The following FGF10 variants were observed in gnomAD, a reference collection of about 807,000 sequenced individuals.
The protein encoded by FGF10 is FGF-10.
A neutral mutation model predicts 19.8 loss-of-function variants in FGF10; 2 were observed. The ratio of observed to expected loss-of-function variants is 0.10; its 90% CI spans 0.04 to 0.32. The LOEUF (loss-of-function observed/expected upper bound fraction) is 0.32, where lower values mean the gene tolerates loss of function less well. Among genes scored for constraint, FGF10 ranks in the 10% least tolerant of loss-of-function variants. The pLI is 1.00. For missense variants in FGF10, 191 were observed against 246.3 expected (o/e 0.78, Z 1.50); for synonymous variants, 112 against 94.0 (o/e 1.19, Z -1.10).
intron 1 of FGF10, among the ~76,000 whole-genome samples, chr5:44,320,846 C>T (rs1334993014): frequency 6.6e-6 from 1 of 151,966 alleles, no homozygotes; most frequent in Non-Finnish European, 1.5e-5. Context: ...TCCCTAGTAG[C>T]TGGAACCACA....
chr5:44,326,746 A>G (rs940360323), intron 1 of FGF10, among the ~76,000 whole-genome samples: 3 of 152,050 alleles, frequency 2.0e-5, no homozygotes, highest in Admixed American at 1.3e-4. Context: ...CTCTTACCTG[A>G]TGCTGTACTA....
intron 1 of FGF10, among the ~76,000 whole-genome samples, chr5:44,362,949 G>A (rs1394938084): frequency 6.6e-6 from 1 of 151,708 alleles, no homozygotes; most frequent in African/African-American, 2.4e-5. Context: ...GTGGGAGACA[G>A]CAATTATTAA....
intron 1 of FGF10, among the ~76,000 whole-genome samples, chr5:44,351,719 T>A (rs1741237446): frequency 1.3e-5 from 2 of 151,634 alleles, no homozygotes; most frequent in Admixed American, 1.3e-4. Flanking sequence ...TTTACTACCA[T>A]TATTAGTTTG....
At chr5:44,381,335 A>G (rs901022592) in intron 1 of FGF10, among the ~76,000 whole-genome samples, 2 of 152,348 alleles carry the variant, frequency 1.3e-5, no homozygotes, top group African/African-American at 4.8e-5. Context: ...CAAAACTATC[A>G]GCTTTAGATG....
At chr5:44,333,845 C>A (rs952366504) in intron 1 of FGF10, among the ~76,000 whole-genome samples, 1 of 152,102 alleles carries the variant, frequency 6.6e-6, no homozygotes, top group Non-Finnish European at 1.5e-5. Context: ...AGCATCTCTT[C>A]ATTTTTATTC....
chr5:44,377,560 T>C (rs1463822989), intron 1 of FGF10, among the ~76,000 whole-genome samples: 1 of 152,240 alleles, frequency 6.6e-6, no homozygotes, highest in Non-Finnish European at 1.5e-5. Context: ...CGCTATTCTT[T>C]TTTTCTTTCT....
Position 44,301,470 on chromosome 5 carries a change from C to G in FGF10, c.*3525G>C, listed in dbSNP as rs1425938626. 5.9e-5 allele frequency among the ~76,000 whole-genome samples: 9 copies of G among 151,996 alleles called. No homozygotes were observed. Among genetic ancestry groups the G allele is most frequent in the Admixed American group, 6.6e-5 (1 of 15,240 alleles). Reference sequence around the variant, plus strand: ...CAACTTGCATTATTATGTATTTTTTCTCTCTAATTTTCAAATCAAATTCAT... The same window carrying G: ...CAACTTGCATTATTATGTATTTTTTGTCTCTAATTTTCAAATCAAATTCAT... On this transcript the variant is annotated 3_prime_UTR_variant, in exon 3 of 3. Transcript: ENST00000264664.
Position 44,302,151 on chromosome 5 carries a change from C to T in FGF10, c.*2844G>A, listed in dbSNP as rs147737657. Among the ~76,000 whole-genome samples, 1 of 151,764 alleles carries T rather than the reference C, an allele frequency of 6.6e-6. No homozygotes were observed. Among genetic ancestry groups the T allele is most frequent in the African/African-American group, 2.4e-5 (1 of 41,388 alleles). ...TTTCTTCAGTAGTTGCAAAAGGGAC[C>T]AGAATTCTATTTCCATTTCAAGCAA... On this transcript the variant is annotated 3_prime_UTR_variant, in exon 3 of 3. Transcript: ENST00000264664.
rs1561194011 is a variant in FGF10 at position 44,302,365 on chromosome 5, T to A, written c.*2630A>T. Among the ~76,000 whole-genome samples the A allele has an allele frequency of 6.6e-6, 1 of 151,038 alleles. No homozygotes were observed. Among genetic ancestry groups the A allele is most frequent in the Admixed American group, 6.6e-5 (1 of 15,116 alleles). Reference sequence around the variant, plus strand: ...TGTCTTTTCTCTCTTTCTTTTCTCTTTTCTCTCTTTCCTTTCTTTCTGGCT... The same window carrying A: ...TGTCTTTTCTCTCTTTCTTTTCTCTATTCTCTCTTTCCTTTCTTTCTGGCT... On this transcript the variant is annotated 3_prime_UTR_variant, in exon 3 of 3. Coordinates refer to ENST00000264664, the MANE Select transcript of FGF10 (RefSeq NM_004465.2).
chr5:44,373,663 G>A (rs556346328), intron 1 of FGF10, among the ~76,000 whole-genome samples: 2 of 152,002 alleles, frequency 1.3e-5, no homozygotes, highest in Admixed American at 6.6e-5. Context: ...CTCAAAAAAA[G>A]CACTGTTAAT....
chr5:44,321,240 AC>A (rs1671295456), intron 1 of FGF10, among the ~76,000 whole-genome samples: 1 of 152,144 alleles, frequency 6.6e-6, no homozygotes, highest in Non-Finnish European at 1.5e-5. Flanking sequence ...TAGCACCATA[AC>A]TAGACCAATT....
intron 1 of FGF10, among the ~76,000 whole-genome samples, chr5:44,335,397 C>T (rs1157651571): frequency 6.6e-6 from 1 of 152,000 alleles, no homozygotes; most frequent in East Asian, 1.9e-4. Flanking sequence ...TAGTGTTCTA[C>T]TTAGTATGTA....
At chr5:44,381,941 A>G (rs764804369) in intron 1 of FGF10, among the ~76,000 whole-genome samples, 33 of 152,242 alleles carry the variant, frequency 2.2e-4, no homozygotes, top group Non-Finnish European at 3.8e-4. Flanking sequence ...TTTGCCTTCT[A>G]TTAGGGTTAG....
chr5:44,354,131 T>C (rs1045420002), intron 1 of FGF10, among the ~76,000 whole-genome samples: 8 of 151,294 alleles, frequency 5.3e-5, no homozygotes, highest in Admixed American at 5.3e-4. Context: ...CTTAAGAGAA[T>C]ACAAACAGAC....
intron 1 of FGF10, among the ~76,000 whole-genome samples, chr5:44,344,975 T>A (rs1741055328): frequency 6.6e-6 from 1 of 151,908 alleles, no homozygotes; most frequent in African/African-American, 2.4e-5. Context: ...TGGCCTTGGG[T>A]GCCTAAAAAA....
intron 1 of FGF10, among the ~76,000 whole-genome samples, chr5:44,319,437 G>C (rs1361660662): frequency 6.6e-6 from 1 of 152,102 alleles, no homozygotes; most frequent in African/African-American, 2.4e-5. Flanking sequence ...GGTCAGTAGA[G>C]CACATCTTGA....
chr5:44,348,751 A>G (rs1370218846), intron 1 of FGF10, among the ~76,000 whole-genome samples: 1 of 151,626 alleles, frequency 6.6e-6, no homozygotes, highest in Non-Finnish European at 1.5e-5. Flanking sequence ...ATTTATCTGA[A>G]GTCCATATTT....
At chr5:44,380,929 G>A (rs1377938440) in intron 1 of FGF10, among the ~76,000 whole-genome samples, 1 of 152,210 alleles carries the variant, frequency 6.6e-6, no homozygotes, top group Non-Finnish European at 1.5e-5. Context: ...ACAGTAAGCT[G>A]TGATCATGAG....
chr5:44,341,312 C>T (rs1740964835), intron 1 of FGF10, among the ~76,000 whole-genome samples: 1 of 151,850 alleles, frequency 6.6e-6, no homozygotes, highest in Non-Finnish European at 1.5e-5. Flanking sequence ...TAAAATTTCA[C>T]TTGTAGGGAA....
Sources: gnomAD v4.1 joint callset for allele counts (sites outside exome capture counted in the v4.1 genomes callset) on GRCh38, gnomAD v4.1.1 for gene constraint, MANE v1.5 for transcripts, NCBI Gene and HGNC (gene_info 2026-07-23, HGNC 2026-07-21) for gene names.